Variants in HOOK3 observed in about 807,000 individuals in gnomAD.
The protein encoded by HOOK3 is protein Hook homolog 3.
In HOOK3, 24 loss-of-function variants were observed where a neutral mutation model predicts 116.3. The observed-to-expected ratio is 0.21, with a 90% CI of 0.15 to 0.29. HOOK3 has a LOEUF of 0.29. Among genes scored for constraint, HOOK3 ranks in the 10% least tolerant of loss-of-function variants. The probability of loss-of-function intolerance (pLI) is 1.00; values close to 1 mark genes in which losing one functional copy is unlikely to be tolerated. For missense variants in HOOK3, 632 were observed against 830.2 expected (o/e 0.76, Z 2.93); for synonymous variants, 275 against 283.0 (o/e 0.97, Z 0.28).
intron 1 of HOOK3, among the ~76,000 whole-genome samples, chr8:42,903,338 CTTTTTTTT>C (rs1164136399): frequency 1.0e-3 from 89 of 87,614 alleles, no homozygotes; most frequent in African/African-American, 3.9e-3. Flanking sequence ...TAATAGTTGT[CTTTTTTTT>C]TTTTTTTTTT....
intron 4 of HOOK3, among the ~76,000 whole-genome samples, chr8:42,939,240 C>T (rs1230022882): frequency 6.6e-6 from 1 of 152,220 alleles, no homozygotes; most frequent in East Asian, 1.9e-4. Flanking sequence ...GGGTACACCT[C>T]CCAGACGGGG....
chr8:42,898,241 T>A (rs977311160), intron 1 of HOOK3, among the ~76,000 whole-genome samples: 2 of 152,224 alleles, frequency 1.3e-5, no homozygotes, highest in Non-Finnish European at 2.9e-5. Context: ...GTCTGAGGTT[T>A]TTATAGTTTG....
At chr8:42,934,894 T>A (rs1047881925) in intron 4 of HOOK3, among the ~76,000 whole-genome samples, 8 of 152,244 alleles carry the variant, frequency 5.3e-5, no homozygotes, top group African/African-American at 1.9e-4. Flanking sequence ...TATAATCCTT[T>A]GGGTATATAC....
At chr8:42,945,304 T>C (rs1421033541) in intron 5 of HOOK3, among the ~76,000 whole-genome samples, 1 of 152,130 alleles carries the variant, frequency 6.6e-6, no homozygotes, top group African/African-American at 2.4e-5. Flanking sequence ...TATTTTATTT[T>C]ATTCTATTTT....
chr8:42,934,511 T>C (rs1807928523), intron 4 of HOOK3, among the ~76,000 whole-genome samples: 1 of 152,116 alleles, frequency 6.6e-6, no homozygotes, highest in Non-Finnish European at 1.5e-5. Context: ...TCATCTATAT[T>C]AGGTATTTCT....
Position 42,960,363 on chromosome 8 carries a change from A to G in HOOK3, c.615+1049A>G, listed in dbSNP as rs571281680. On this transcript the variant is annotated intron_variant, in intron 8 of 21. Coordinates refer to ENST00000307602, the MANE Select transcript of HOOK3 (RefSeq NM_032410.4). Reference sequence around the variant, plus strand: ...CAATCCCAGGTATGGACAGATTGCAAAATGAATGATAGTGTTGCAGAGAGG... The same window carrying G: ...CAATCCCAGGTATGGACAGATTGCAGAATGAATGATAGTGTTGCAGAGAGG... 2.5e-4 allele frequency among the ~76,000 whole-genome samples: 38 copies of G among 152,322 alleles called. 1 individual carries two copies. In the South Asian group the frequency reaches 4.1e-3, roughly 17 times the overall value.
In HOOK3 at chr8:43,002,179, T is replaced by G. The variant is rs775514532; in HGVS notation, c.1655+38T>G. ...GCTGTTGAGGCTGATTCTTCTATAGTGGAACACATGTGCTTTGTGTTAGGT... is the reference window on the plus strand; with the variant it reads ...GCTGTTGAGGCTGATTCTTCTATAGGGGAACACATGTGCTTTGTGTTAGGT... On this transcript the variant is annotated intron_variant, in intron 17 of 21. Coordinates refer to ENST00000307602, the MANE Select transcript of HOOK3 (RefSeq NM_032410.4). 3.3e-6 allele frequency: 5 copies of G among 1,494,406 alleles called. No individual in the cohort carries two copies. In the South Asian group the frequency reaches 5.7e-5, roughly 17 times the overall value. The allele number at this position is 1,494,406 out of a possible 1,614,324, so 92.6% of individuals were successfully genotyped here. A position where few individuals can be genotyped will look rare whatever the true frequency, so the allele number is the denominator to read the frequency against.
At chr8:42,989,844 G>T (rs1314600071) in intron 15 of HOOK3, among the ~76,000 whole-genome samples, 1 of 152,012 alleles carries the variant, frequency 6.6e-6, no homozygotes, top group Non-Finnish European at 1.5e-5. Flanking sequence ...TGTGAAGTTT[G>T]TCTTCCTGTG....
At chr8:43,010,827 CCAT>C (rs2130487173) in intron 19 of HOOK3, among the ~76,000 whole-genome samples, 1 of 152,146 alleles carries the variant, frequency 6.6e-6, no homozygotes, top group East Asian at 1.9e-4. Context: ...GTTCAGGAAA[CCAT>C]CAGGTAAATT....
chr8:42,986,127 C>T (rs1007675836), intron 14 of HOOK3, among the ~76,000 whole-genome samples: 5 of 152,234 alleles, frequency 3.3e-5, no homozygotes, highest in Admixed American at 1.3e-4. Context: ...TTTAATATCC[C>T]TTAATGTAAG....
chr8:42,926,990 G>A (rs1807778205), intron 3 of HOOK3, among the ~76,000 whole-genome samples: 1 of 152,108 alleles, frequency 6.6e-6, no homozygotes, highest in Admixed American at 6.5e-5. Context: ...CCCAGTGATT[G>A]TCATTTCTGG....
Position 42,968,093 on chromosome 8 carries a change from G to T in HOOK3, c.1001G>T (p.Arg334Met). 1 of 1,611,468 alleles carries T rather than the reference G, an allele frequency of 6.2e-7. No individual in the cohort carries two copies. The highest frequency in any genetic ancestry group is 1.1e-5 in the South Asian group (1 of 91,028). ...AAGCTAGAAGACCTTGGTGATTTAA[G>T]GCGGCAGGTTAAACTCTTAGAAGAG... Reference protein sequence around the residue: ...KKKLEDLGDLRRQVKLLEEKN... With the variant: ...KKKLEDLGDLMRQVKLLEEKN... Residue 334 changes from arginine to methionine, a missense_variant, in exon 11 of 22, where the codon AGG becomes ATG. By Grantham distance (91) the Arg-to-Met change is moderately conservative (BLOSUM62 -1). Transcript: ENST00000307602.
chr8:42,951,507 A>T (rs999626944), intron 6 of HOOK3, among the ~76,000 whole-genome samples: 3 of 151,394 alleles, frequency 2.0e-5, no homozygotes, highest in Non-Finnish European at 4.4e-5. Flanking sequence ...ATAAAACTGT[A>T]AAAGTAAAAG....
intron 14 of HOOK3, among the ~76,000 whole-genome samples, chr8:42,985,891 A>G (rs975353764): frequency 7.2e-5 from 11 of 152,134 alleles, no homozygotes; most frequent in African/African-American, 2.4e-4. Flanking sequence ...GTGTGTGTCT[A>G]TGTTTCTTTC....
intron 2 of HOOK3, among the ~76,000 whole-genome samples, chr8:42,923,449 G>A (rs1807702831): frequency 6.6e-6 from 1 of 152,160 alleles, no homozygotes; most frequent in Non-Finnish European, 1.5e-5. Context: ...TAAACAAAAT[G>A]TGATATATCT....
At chr8:42,966,363 C>T in intron 9 of HOOK3, 110 bp from the exon 10 acceptor site, 3 of 1,092,162 alleles carry the variant, frequency 2.7e-6, no homozygotes, top group Non-Finnish European at 3.9e-6. Context: ...ACATGGGAGA[C>T]ATACTCAAGA....
intron 16 of HOOK3, among the ~76,000 whole-genome samples, chr8:42,998,648 G>C (rs2130469401): frequency 6.6e-6 from 1 of 152,004 alleles, no homozygotes; most frequent in African/African-American, 2.4e-5. Context: ...CTAGCTTAAT[G>C]AGTTTCTCCA....
At chr8:42,911,071 G>A (rs888414542) in intron 2 of HOOK3, among the ~76,000 whole-genome samples, 1 of 152,176 alleles carries the variant, frequency 6.6e-6, no homozygotes, top group African/African-American at 2.4e-5. Flanking sequence ...GGTGCGAGTG[G>A]TTACTGCACA....
At chr8:42,993,047 T>C (rs1309992197) in intron 15 of HOOK3, among the ~76,000 whole-genome samples, 1 of 152,224 alleles carries the variant, frequency 6.6e-6, no homozygotes, top group Non-Finnish European at 1.5e-5. Context: ...CAAATGCTTT[T>C]TCAACATCAA....
Sources: allele counts gnomAD v4.1 joint callset (sites outside exome capture counted in the v4.1 genomes callset), GRCh38; gene constraint gnomAD v4.1.1; transcripts MANE v1.5; gene names NCBI Gene and HGNC (gene_info 2026-07-23, HGNC 2026-07-21).